BACE1: variants seen among roughly 807,000 people sequenced by gnomAD.
The protein encoded by BACE1 is beta-secretase 1.
In BACE1, 21 loss-of-function variants were observed where a neutral mutation model predicts 54.0. That is an observed-to-expected ratio of 0.39 (90% CI 0.28 to 0.56). BACE1 has a LOEUF of 0.56. BACE1 is among the 20% of genes least tolerant of loss of function. BACE1 has a pLI of 0.63. For synonymous variants in BACE1, 232 were observed against 260.9 expected (o/e 0.89, Z 1.07); for missense variants, 511 against 661.2 (o/e 0.77, Z 2.49).
At chr11:117,312,587 C>T (rs185143641) in intron 1 of BACE1, among the ~76,000 whole-genome samples, 205 of 152,216 alleles carry the variant, frequency 1.3e-3, no homozygotes, top group African/African-American at 4.6e-3. Flanking sequence ...CTCAGCCTCC[C>T]GAGTAGCTGG....
At chr11:117,307,113 C>A (rs932662446) in intron 1 of BACE1, among the ~76,000 whole-genome samples, 1 of 152,126 alleles carries the variant, frequency 6.6e-6, no homozygotes, top group Admixed American at 6.6e-5. Flanking sequence ...GCTATAGTAC[C>A]CAAGGCTGCG....
At chr11:117,307,206 C>T (rs1174221439) in intron 1 of BACE1, among the ~76,000 whole-genome samples, 1 of 152,164 alleles carries the variant, frequency 6.6e-6, no homozygotes, top group Non-Finnish European at 1.5e-5. Context: ...TGTTCTGGTT[C>T]CTTCCCAGAA....
intron 1 of BACE1, among the ~76,000 whole-genome samples, chr11:117,313,788 T>C (rs1232075197): frequency 6.6e-6 from 1 of 152,174 alleles, no homozygotes; most frequent in Non-Finnish European, 1.5e-5. Context: ...TTGCATAGAA[T>C]TGAAGAGGCA....
chr11:117,310,014 T>G (rs954953099), intron 1 of BACE1, among the ~76,000 whole-genome samples: 1 of 152,154 alleles, frequency 6.6e-6, no homozygotes. Context: ...GCTCAAGCGA[T>G]TCTCCTGCCT....
At chr11:117,313,188 G>C (rs2034993042) in intron 1 of BACE1, among the ~76,000 whole-genome samples, 1 of 152,212 alleles carries the variant, frequency 6.6e-6, no homozygotes, top group South Asian at 2.1e-4. Flanking sequence ...AGAGAGCAGA[G>C]ACTGGCTGAT....
In BACE1 at chr11:117,293,286, A is replaced by G. The variant is rs1038837228; in HGVS notation, c.706-98T>C. The stretch of plus-strand genomic sequence containing the variant: ...AAGATCAGTGATTTCTTGGGGTGGC[A>G]AGGTCTTCTACAGGCTACCCTTTTC... On this transcript the variant is annotated intron_variant, in intron 4 of 8. Transcript: ENST00000313005. This position sits in a 1 kb window ranked among gnomAD's most constrained non-coding sequence, Gnocchi z 4.1. The G allele has an allele frequency of 5.3e-6, 7 of 1,332,672 alleles. No individual in the cohort carries two copies. In the East Asian group the frequency reaches 7.2e-5, roughly 14 times the overall value. 82.6% of individuals were successfully genotyped at this position (1,332,672 alleles called of 1,614,324 possible). A position where few individuals can be genotyped will look rare whatever the true frequency, so the allele number is the denominator to read the frequency against.
At position 117,315,236 on chromosome 11, in the gene BACE1, C is replaced by A. The variant is rs2035068803; in HGVS notation, c.261+299G>T. On this transcript the variant is annotated intron_variant, in intron 1 of 8. Transcript: ENST00000313005. The surrounding 1 kb of genome is among the most constrained non-coding windows in gnomAD (Gnocchi z 5.5). ...CCTGTTATAGTGCCCCTGTGGCGGA[C>A]CCTTCCTCCAGGTCAGGGTCCCCAG... Among the ~76,000 whole-genome samples, 1 of 152,174 alleles carries A rather than the reference C, an allele frequency of 6.6e-6. No homozygotes were observed. The highest frequency in any genetic ancestry group is 2.4e-5 in the African/African-American group (1 of 41,438).
In BACE1 at chr11:117,316,089, G is replaced by A; in HGVS notation, c.-294C>T. 1 of 394,724 alleles carries A rather than the reference G, an allele frequency of 2.5e-6. No individual in the cohort carries two copies. The highest frequency in any genetic ancestry group is 4.5e-6 in the Non-Finnish European group (1 of 223,926). 24.5% of individuals were successfully genotyped at this position (394,724 alleles called of 1,614,324 possible). On this transcript the variant is annotated 5_prime_UTR_variant, in exon 1 of 9. Transcript: ENST00000313005. Reference sequence around the variant, plus strand: ...CGCGGGCTCCCGGCGGGGCTGGGAGGGGCGGGCATGGCGGGCCGGTGGCGG... The same window carrying A: ...CGCGGGCTCCCGGCGGGGCTGGGAGAGGCGGGCATGGCGGGCCGGTGGCGG...
At chr11:117,296,842 G>A (rs768491896) in intron 2 of BACE1, 31 bp downstream of exon 2, 2 of 1,542,936 alleles carry the variant, frequency 1.3e-6, no homozygotes, top group East Asian at 2.3e-5. Context: ...CTTGGAAAAG[G>A]TACTTCCCCC....
In BACE1 at chr11:117,288,646, A is replaced by G. The variant is rs1442334347; in HGVS notation, c.*920T>C. The G allele has an allele frequency of 1.3e-5, 2 of 152,636 alleles. No homozygotes were observed. The highest frequency in any genetic ancestry group is 4.8e-5 in the African/African-American group (2 of 41,458). The allele number at this position is 152,636 out of a possible 1,614,324, so 9.5% of individuals were successfully genotyped here. A position where few individuals can be genotyped will look rare whatever the true frequency, so the allele number is the denominator to read the frequency against. On this transcript the variant is annotated 3_prime_UTR_variant, in exon 9 of 9. Coordinates refer to ENST00000313005, the MANE Select transcript of BACE1 (RefSeq NM_012104.6). ...GGAGCTTAGGGGGTTAGGATATTTC[A>G]GTGCTGCCTATCATATGTAGAATAA...
Position 117,315,936 on chromosome 11 carries a change from C to T in BACE1, c.-141G>A. 1.0e-6 allele frequency: 1 copy of T among 953,538 alleles called. No homozygotes were observed. The highest frequency in any genetic ancestry group is 2.4e-5 in the South Asian group (1 of 42,224). 59.1% of individuals were successfully genotyped at this position (953,538 alleles called of 1,614,324 possible). A position where few individuals can be genotyped will look rare whatever the true frequency, so the allele number is the denominator to read the frequency against. ...TCAGGACGCCAGGGCCTGCAGGGCC[C>T]TGGGCCAGCCCCCGGGTCCGGGCTG... On this transcript the variant is annotated 5_prime_UTR_variant, in exon 1 of 9. Coordinates refer to ENST00000313005, the MANE Select transcript of BACE1 (RefSeq NM_012104.6). The surrounding 1 kb of genome is among the most constrained non-coding windows in gnomAD (Gnocchi z 5.5).
At chr11:117,300,928 T>C (rs2034710668) in intron 1 of BACE1, among the ~76,000 whole-genome samples, 1 of 152,074 alleles carries the variant, frequency 6.6e-6, no homozygotes, top group Non-Finnish European at 1.5e-5. Flanking sequence ...CCCTCTCTCC[T>C]CTCCCTTCAC....
Position 117,295,269 on chromosome 11 carries a change from G to A in BACE1, c.429C>T (p.Thr143=), listed in dbSNP as rs140380263. 30 of 1,614,028 alleles carry A rather than the reference G, an allele frequency of 1.9e-5. No individual in the cohort carries two copies. The highest frequency in any genetic ancestry group is 1.5e-4 in the African/African-American group (11 of 74,898). ...TQGKWEGELG[T]DLVSIPHGPN... Reference sequence around the variant, plus strand: ...GGCCATGGGGGATGCTTACCAGGTCGGTGCCCAGCTCCCCTTCCCACTTGC... The same window carrying A: ...GGCCATGGGGGATGCTTACCAGGTCAGTGCCCAGCTCCCCTTCCCACTTGC... The change falls in exon 3 of 9, where the codon ACC becomes ACT. Residue 143 remains threonine, a synonymous_variant. Transcript: ENST00000313005.
chr11:117,290,056 T>C (rs994641138), intron 8 of BACE1, among the ~76,000 whole-genome samples: 4 of 152,154 alleles, frequency 2.6e-5, no homozygotes, highest in Non-Finnish European at 5.9e-5. Flanking sequence ...AAGTCAGTAG[T>C]TCTGAGTTGA....
intron 7 of BACE1, 33 bp from the exon 8 acceptor site, chr11:117,290,692 C>T (rs1413239191): frequency 6.2e-7 from 1 of 1,608,674 alleles, no homozygotes; most frequent in South Asian, 1.1e-5. Context: ...TGAGTGTCTT[C>T]CTCACTCTCC....
rs547967089 is a variant in BACE1, at chr11:117,302,290, G to A, written c.262-5329C>T. The stretch of plus-strand genomic sequence containing the variant: ...GGAGATTGCAGTGAGATGAGATGGC[G>A]CCACTGCACTCCCGTCTGGGCAACA... On this transcript the variant is annotated intron_variant, in intron 1 of 8. Transcript: ENST00000313005. 5.9e-5 allele frequency among the ~76,000 whole-genome samples: 9 copies of A among 152,238 alleles called. No individual in the cohort carries two copies. The South Asian group carries it at 1.7e-3, about 28-fold the overall frequency.
Position 117,315,456 on chromosome 11 carries a change from G to C in BACE1, c.261+79C>G. 6.6e-7 allele frequency: 1 copy of C among 1,520,420 alleles called. No homozygotes were observed. The allele number at this position is 1,520,420 out of a possible 1,614,324, so 94.2% of individuals were successfully genotyped here. A position where few individuals can be genotyped will look rare whatever the true frequency, so the allele number is the denominator to read the frequency against. On this transcript the variant is annotated intron_variant, in intron 1 of 8. Coordinates refer to ENST00000313005, the MANE Select transcript of BACE1 (RefSeq NM_012104.6). The surrounding 1 kb of genome is among the most constrained non-coding windows in gnomAD (Gnocchi z 5.5). ...GTCCCCACCAGCCCATTTGAGCAGGGGCTAGCTTGAGGCATCCCCATCCTG... is the reference window on the plus strand; with the variant it reads ...GTCCCCACCAGCCCATTTGAGCAGGCGCTAGCTTGAGGCATCCCCATCCTG...
At chr11:117,306,386 T>C (rs964255840) in intron 1 of BACE1, among the ~76,000 whole-genome samples, 1 of 152,122 alleles carries the variant, frequency 6.6e-6, no homozygotes, top group Non-Finnish European at 1.5e-5. Flanking sequence ...CTGTCCTCAG[T>C]TGAAAATGAA....
intron 1 of BACE1, 150 bp from the exon 2 acceptor site, chr11:117,297,111 T>C (rs2034619170): frequency 1.6e-6 from 1 of 621,242 alleles, no homozygotes; most frequent in Admixed American, 3.1e-5. Flanking sequence ...CTGGCACCCG[T>C]TACCACCACG....
Sources: allele counts gnomAD v4.1 joint callset (sites outside exome capture counted in the v4.1 genomes callset), GRCh38; gene constraint gnomAD v4.1.1; non-coding constraint Gnocchi (gnomAD v3.1); transcripts MANE v1.5; gene names NCBI Gene and HGNC (gene_info 2026-07-23, HGNC 2026-07-21).